The following MCPH1 variants were observed in gnomAD, a reference collection of about 807,000 sequenced individuals.
The protein encoded by MCPH1 is microcephalin.
A neutral mutation model predicts 84.5 loss-of-function variants in MCPH1; 104 were observed. That is an observed-to-expected ratio of 1.23 (90% CI 1.05 to 1.45). The LOEUF is 1.45. Among genes scored for constraint, MCPH1 ranks in the 40% most tolerant of loss-of-function variants. MCPH1 has a pLI of 0.00. For synonymous variants in MCPH1, 514 were observed against 366.8 expected (o/e 1.40, Z -4.58); for missense variants, 1,498 against 1,005.7 (o/e 1.49, Z -6.62).
At chr8:6,606,338 A>G (rs1390284123) in intron 12 of MCPH1, among the ~76,000 whole-genome samples, 3 of 152,254 alleles carry the variant, frequency 2.0e-5, no homozygotes, top group African/African-American at 4.8e-5. Flanking sequence ...ATCAAATACA[A>G]TTCATTCCAA....
At chr8:6,557,456 T>C (rs1187923722) in intron 12 of MCPH1, among the ~76,000 whole-genome samples, 1 of 152,136 alleles carries the variant, frequency 6.6e-6, no homozygotes, top group Non-Finnish European at 1.5e-5. Flanking sequence ...CAAAGTTCAG[T>C]GGCTGTCTTT....
chr8:6,466,386 C>T (rs1268356559), intron 9 of MCPH1, among the ~76,000 whole-genome samples: 1 of 151,600 alleles, frequency 6.6e-6, no homozygotes, highest in African/African-American at 2.4e-5. Context: ...CGGCTCACTG[C>T]AACCTCCACC....
chr8:6,475,715 C>G (rs970050110), intron 9 of MCPH1, among the ~76,000 whole-genome samples: 9 of 152,154 alleles, frequency 5.9e-5, no homozygotes. Flanking sequence ...ACCACCTTTA[C>G]TGGGGGCCAG....
chr8:6,507,306 T>A (rs1437785789), intron 12 of MCPH1, among the ~76,000 whole-genome samples: 1 of 152,242 alleles, frequency 6.6e-6, no homozygotes. Flanking sequence ...TACCTTTGGT[T>A]TTCCTGGGTG....
chr8:6,462,000 T>C (rs1806348353), intron 9 of MCPH1, among the ~76,000 whole-genome samples: 1 of 152,214 alleles, frequency 6.6e-6, no homozygotes, highest in Admixed American at 6.5e-5. Flanking sequence ...TGTAAGTGGC[T>C]CAGTTGTAGA....
chr8:6,426,119 A>T (rs906568239), intron 3 of MCPH1, among the ~76,000 whole-genome samples: 1 of 152,034 alleles, frequency 6.6e-6, no homozygotes, highest in African/African-American at 2.4e-5. Context: ...CTTTCCCATC[A>T]CTTTTATTAG....
intron 12 of MCPH1, chr8:6,501,983 AT>A (rs1402858808): frequency 4.8e-5 from 7 of 145,706 alleles, no homozygotes; most frequent in African/African-American, 7.7e-5. Context: ...AGTGTCAATT[AT>A]TTTTTTCCTT....
intron 13 of MCPH1, among the ~76,000 whole-genome samples, chr8:6,632,548 G>T (rs1345281896): frequency 6.6e-6 from 1 of 152,158 alleles, no homozygotes; most frequent in African/African-American, 2.4e-5. Flanking sequence ...AGTGACTCAT[G>T]CCTGTAATCC....
intron 13 of MCPH1, chr8:6,626,474 G>GTTTTT (rs71213328): frequency 3.1e-4 from 286 of 924,290 alleles, no homozygotes; most frequent in East Asian, 2.0e-3. Flanking sequence ...TTTTTGTTTT[G>GTTTTT]TTTTTTTTTT....
In MCPH1 at chr8:6,605,291, C is replaced by T. The variant is rs1459992107; in HGVS notation, c.2215-16163C>T. 4.6e-5 allele frequency among the ~76,000 whole-genome samples: 7 copies of T among 152,314 alleles called. No individual in the cohort carries two copies. The East Asian group carries it at 1.4e-3, about 29-fold the overall frequency. ...AGCTTGTCACTGCCCTTTCTCTCCT[C>T]CCTGCCTGTACTCCTGTTCGCTTGG... On this transcript the variant is annotated intron_variant, in intron 12 of 13. Transcript: ENST00000344683.
At chr8:6,558,969 C>T (rs1217654724) in intron 12 of MCPH1, among the ~76,000 whole-genome samples, 26 of 151,868 alleles carry the variant, frequency 1.7e-4, no homozygotes. Flanking sequence ...GTTCCCCTAC[C>T]ATAGTGAAAC....
chr8:6,457,686 C>T (rs1805850608), intron 9 of MCPH1, among the ~76,000 whole-genome samples: 1 of 152,184 alleles, frequency 6.6e-6, no homozygotes, highest in Non-Finnish European at 1.5e-5. Flanking sequence ...GTGCGGCACC[C>T]CGTCCTTAAC....
chr8:6,603,078 G>C (rs1377397483), intron 12 of MCPH1, among the ~76,000 whole-genome samples: 1 of 151,748 alleles, frequency 6.6e-6, no homozygotes, highest in Admixed American at 6.6e-5. Context: ...CCAAACACTA[G>C]TTTTCAGCCT....
intron 8 of MCPH1, chr8:6,446,772 A>T: frequency 1.0e-6 from 1 of 985,144 alleles, no homozygotes; most frequent in Non-Finnish European, 1.2e-6. Flanking sequence ...AATGTAAATT[A>T]AGTAGGAAAA....
chr8:6,518,292 C>T (rs1328952964), intron 12 of MCPH1, among the ~76,000 whole-genome samples: 5 of 152,224 alleles, frequency 3.3e-5, no homozygotes, highest in Non-Finnish European at 5.9e-5. Flanking sequence ...CAGACAATGG[C>T]ATGCACAGAA....
At chr8:6,487,925 C>T (rs1467808828) in intron 11 of MCPH1, among the ~76,000 whole-genome samples, 2 of 152,212 alleles carry the variant, frequency 1.3e-5, no homozygotes, top group Non-Finnish European at 2.9e-5. Context: ...GCTTGTCTGA[C>T]TTGAACGTGG....
chr8:6,503,433 A>G (rs1256827693), intron 12 of MCPH1, among the ~76,000 whole-genome samples: 1 of 152,144 alleles, frequency 6.6e-6, no homozygotes. Flanking sequence ...TTCCAGCCAT[A>G]CACCCATGAC....
chr8:6,504,587 G>A (rs1812896096), intron 12 of MCPH1, among the ~76,000 whole-genome samples: 1 of 152,058 alleles, frequency 6.6e-6, no homozygotes, highest in Admixed American at 6.5e-5. Flanking sequence ...TGATGATGCT[G>A]GCAATTCAGA....
intron 11 of MCPH1, among the ~76,000 whole-genome samples, chr8:6,490,751 C>T (rs1474789777): frequency 6.6e-6 from 1 of 152,190 alleles, no homozygotes; most frequent in Non-Finnish European, 1.5e-5. Context: ...ATTTGTTAGG[C>T]TGTCCTTAAC....
Sources: allele counts gnomAD v4.1 joint callset (sites outside exome capture counted in the v4.1 genomes callset), GRCh38; gene constraint gnomAD v4.1.1; transcripts MANE v1.5; gene names NCBI Gene and HGNC (gene_info 2026-07-23, HGNC 2026-07-21).